Variants in PCDHA2 observed in about 807,000 individuals in gnomAD.
PCDHA2 encodes protocadherin alpha-2.
PCDHA2 carries 58 observed loss-of-function variants against 66.0 expected under a neutral mutation model. That is an observed-to-expected ratio of 0.88 (90% CI 0.71 to 1.09). The LOEUF is 1.09. PCDHA2 is among the 50% of genes least tolerant of loss of function. The pLI, the probability that PCDHA2 is intolerant of heterozygous loss-of-function variation, is 0.00. For missense variants in PCDHA2, 1,267 were observed against 1,242.3 expected, an observed-to-expected ratio of 1.02 and a Z score of -0.30; for synonymous variants, 634 against 554.0, an observed-to-expected ratio of 1.14 and a Z score of -2.03.
At chr5:140,845,868 G>C (rs1252869410) in intron 1 of PCDHA2, among the ~76,000 whole-genome samples, 1 of 149,474 alleles carries the variant, frequency 6.7e-6, no homozygotes, top group South Asian at 2.1e-4. Flanking sequence ...TTGCAGAAAG[G>C]CAACCTAAAA....
At chr5:140,931,779 T>G (rs1298337220) in intron 1 of PCDHA2, among the ~76,000 whole-genome samples, 1 of 152,006 alleles carries the variant, frequency 6.6e-6, no homozygotes, top group African/African-American at 2.4e-5. Context: ...CCTGTTCAAT[T>G]ACCTATTGAT....
intron 1 of PCDHA2, among the ~76,000 whole-genome samples, chr5:140,960,594 G>A (rs1341832093): frequency 6.6e-6 from 1 of 152,042 alleles, no homozygotes; most frequent in African/African-American, 2.4e-5. Flanking sequence ...CAAATTCAAG[G>A]TACTTCAACA....
chr5:140,830,284 G>T (rs2150184332), intron 1 of PCDHA2: 7 of 1,613,854 alleles, frequency 4.3e-6, no homozygotes, highest in Non-Finnish European at 5.9e-6. Context: ...CCGAGGGCGC[G>T]TGCACGGCGG....
intron 1 of PCDHA2, chr5:140,836,635 C>A: frequency 1.2e-6 from 2 of 1,613,444 alleles, no homozygotes; most frequent in Non-Finnish European, 1.7e-6. Flanking sequence ...TGGTCATTCT[C>A]CCAGCAGAGG....
chr5:140,805,265 G>A (rs1368015439), intron 1 of PCDHA2: 13 of 1,286,610 alleles, frequency 1.0e-5, no homozygotes, highest in Non-Finnish European at 1.3e-5. Context: ...CCTGGTAAAT[G>A]AAAATATTAC....
intron 1 of PCDHA2, among the ~76,000 whole-genome samples, chr5:140,879,169 T>C (rs2057884518): frequency 6.6e-6 from 1 of 152,156 alleles, no homozygotes; most frequent in Non-Finnish European, 1.5e-5. Flanking sequence ...TTTTAATAAA[T>C]TAGGTATCAA....
intron 1 of PCDHA2, chr5:140,803,401 G>C (rs782279690): frequency 6.2e-7 from 1 of 1,614,224 alleles, no homozygotes; most frequent in South Asian, 1.1e-5. Flanking sequence ...TGTGGGCCGG[G>C]CAAGCCCACG....
intron 1 of PCDHA2, among the ~76,000 whole-genome samples, chr5:140,948,051 T>A (rs1554218425): frequency 2.0e-5 from 3 of 151,622 alleles, no homozygotes; most frequent in African/African-American, 7.2e-5. Context: ...CATGATTCAT[T>A]GTTGAATTTC....
At chr5:140,979,168 G>T in intron 2 of PCDHA2, 161 bp downstream of exon 2, 6 of 966,502 alleles carry the variant, frequency 6.2e-6, no homozygotes, top group Non-Finnish European at 7.4e-6. Context: ...TTCCTTGAAA[G>T]ATCGCAAATG....
intron 3 of PCDHA2, among the ~76,000 whole-genome samples, chr5:141,001,477 A>T (rs2098020508): frequency 6.6e-6 from 1 of 152,176 alleles, no homozygotes; most frequent in South Asian, 2.1e-4. Flanking sequence ...AGCAGCGGGG[A>T]AGTGCTGGAA....
At position 140,894,452 on chromosome 5, in the gene PCDHA2, A is replaced by G. The variant is rs555452172; in HGVS notation, c.2389-84497A>G. On this transcript the variant is annotated intron_variant, in intron 1 of 3. Coordinates refer to ENST00000526136, the MANE Select transcript of PCDHA2 (RefSeq NM_018905.3). ...ATCCTACCTAGCTCTTTTTTAAAAA[A>G]TATTTTACTTTTTATTCTTGTTTTC... 3.9e-5 allele frequency among the ~76,000 whole-genome samples: 6 copies of G among 152,050 alleles called. No homozygotes were observed. In the East Asian group the frequency reaches 9.6e-4, roughly 24 times the overall value.
chr5:140,827,934 A>C, intron 1 of PCDHA2: 104 of 1,010,174 alleles, frequency 1.0e-4, no homozygotes, highest in Middle Eastern at 2.8e-4. Context: ...ATGAAGTTAT[A>C]GCTAGCCAAC....
At chr5:140,884,391 C>G in intron 1 of PCDHA2, 1 of 1,613,982 alleles carries the variant, frequency 6.2e-7, no homozygotes, top group Non-Finnish European at 8.5e-7. Flanking sequence ...TGCGCGGTGT[C>G]CAGCCTGTTG....
At chr5:140,803,578 A>T (rs782597617) in intron 1 of PCDHA2, 2 of 1,614,086 alleles carry the variant, frequency 1.2e-6, no homozygotes, top group African/African-American at 2.7e-5. Flanking sequence ...GTGGACGTTG[A>T]TCTCTCAGCC....
At chr5:140,877,127 A>G (rs2056869003) in intron 1 of PCDHA2, 1 of 1,613,602 alleles carries the variant, frequency 6.2e-7, no homozygotes, top group African/African-American at 1.3e-5. Flanking sequence ...GTGACGCTGC[A>G]GGTGTTCGTG....
In PCDHA2 at chr5:140,882,102, C is replaced by A. The variant is rs2058951166; in HGVS notation, c.2388+84750C>A. 1.4e-5 allele frequency: 18 copies of A among 1,308,166 alleles called. No individual in the cohort carries two copies. In the South Asian group the frequency reaches 2.1e-4, roughly 16 times the overall value. 81.0% of individuals were successfully genotyped at this position (1,308,166 alleles called of 1,614,324 possible). On this transcript the variant is annotated intron_variant, in intron 1 of 3. Transcript: ENST00000526136. ...TCGCTCTTCACTGAGAACGTTTCCG[C>A]GAAGAAAGCCGCCGTTTCTTTCTTC...
At chr5:141,006,584 G>C (rs1554260824) in intron 3 of PCDHA2, among the ~76,000 whole-genome samples, 2 of 152,126 alleles carry the variant, frequency 1.3e-5, no homozygotes, top group Admixed American at 6.6e-5. Flanking sequence ...GAGGGTTGGA[G>C]AGAAGCAAAA....
At position 141,009,622 on chromosome 5, in the gene PCDHA2, T is replaced by C. The variant is rs782517998; in HGVS notation, c.2537-5T>C. On this transcript the variant is annotated splice_region_variant and splice_polypyrimidine_tract_variant and intron_variant, in intron 3 of 3. Coordinates refer to ENST00000526136, the MANE Select transcript of PCDHA2 (RefSeq NM_018905.3). ...GTTAATGATTTGTAATGTTTTGTCT[T>C]TCAGAACCAGAGGCAGGAGAAGTGT... is the stretch of plus-strand genomic sequence containing the variant. 6.2e-7 allele frequency: 1 copy of C among 1,612,598 alleles called. No homozygotes were observed.
At chr5:140,897,353 T>C (rs1363658526) in intron 1 of PCDHA2, among the ~76,000 whole-genome samples, 3 of 116,194 alleles carry the variant, frequency 2.6e-5, no homozygotes, top group Non-Finnish European at 4.9e-5. Flanking sequence ...CCCACAACTG[T>C]CCCCAGAGTG....
Sources: gnomAD v4.1 joint callset for allele counts (sites outside exome capture counted in the v4.1 genomes callset) on GRCh38, gnomAD v4.1.1 for gene constraint, MANE v1.5 for transcripts, NCBI Gene and HGNC (gene_info 2026-07-23, HGNC 2026-07-21) for gene names.